PPARG: variants seen among roughly 807,000 people sequenced by gnomAD.
PPARG encodes peroxisome proliferator-activated receptor gamma.
Under a neutral mutation model 39.2 loss-of-function variants are expected in PPARG, and 17 were observed. That is an observed-to-expected ratio of 0.43 (90% CI 0.30 to 0.65). The LOEUF (loss-of-function observed/expected upper bound fraction) is 0.65, where lower values mean the gene tolerates loss of function less well. Ranked by LOEUF, PPARG falls within the 30% of genes least tolerant of loss-of-function variation. The pLI is 0.13. For missense variants in PPARG, 406 were observed against 585.9 expected (o/e 0.69, Z 3.17); for synonymous variants, 223 against 215.7 (o/e 1.03, Z -0.30).
chr3:12,420,811 TTGCC>T (rs1278642858), intron 7 of PPARG, among the ~76,000 whole-genome samples: 1 of 152,236 alleles, frequency 6.6e-6, no homozygotes, highest in Non-Finnish European at 1.5e-5. Flanking sequence ...GTACTTAGAT[TTGCC>T]TGGGCTTAGC....
At chr3:12,312,889 G>A (rs566550345) in intron 2 of PPARG, among the ~76,000 whole-genome samples, 1 of 152,178 alleles carries the variant, frequency 6.6e-6, no homozygotes, top group East Asian at 1.9e-4. Context: ...TAAGCCAAAT[G>A]TGCTCCATTC....
At chr3:12,303,356 C>G (rs1323529490) in intron 1 of PPARG, among the ~76,000 whole-genome samples, 2 of 152,228 alleles carry the variant, frequency 1.3e-5, no homozygotes, top group Admixed American at 1.3e-4. Flanking sequence ...ACCACCACAC[C>G]CGGCTAGTTT....
At chr3:12,310,932 A>T (rs2124991007) in intron 1 of PPARG, among the ~76,000 whole-genome samples, 1 of 151,944 alleles carries the variant, frequency 6.6e-6, no homozygotes, top group Admixed American at 6.5e-5. Flanking sequence ...TTTCTGGCTA[A>T]CACATTAGAG....
chr3:12,362,910 A>G (rs2125122607), intron 2 of PPARG, among the ~76,000 whole-genome samples: 1 of 152,206 alleles, frequency 6.6e-6, no homozygotes, highest in South Asian at 2.1e-4. Flanking sequence ...ATGTTGAATT[A>G]TATCAAATGC....
chr3:12,404,503 A>T (rs1410541263), intron 5 of PPARG, among the ~76,000 whole-genome samples: 1 of 152,204 alleles, frequency 6.6e-6, no homozygotes, highest in African/African-American at 2.4e-5. Context: ...GCATAATAAC[A>T]TATAAAATAA....
chr3:12,399,948 C>T (rs1483537545), intron 5 of PPARG, among the ~76,000 whole-genome samples: 19 of 149,848 alleles, frequency 1.3e-4, no homozygotes, highest in African/African-American at 3.9e-4. Flanking sequence ...CATGCCACTA[C>T]ACTCCCACCT....
intron 5 of PPARG, among the ~76,000 whole-genome samples, chr3:12,397,355 A>T (rs1215088769): frequency 6.7e-6 from 1 of 148,602 alleles, no homozygotes; most frequent in Non-Finnish European, 1.5e-5. Flanking sequence ...CAAATACTAG[A>T]TTTCAACTTT....
At chr3:12,354,085 T>G (rs1169221594) in intron 2 of PPARG, among the ~76,000 whole-genome samples, 1 of 152,176 alleles carries the variant, frequency 6.6e-6, no homozygotes, top group East Asian at 1.9e-4. Context: ...AGTGAGTGAT[T>G]GATTGCATGC....
chr3:12,395,155 T>C (rs2050214257), intron 5 of PPARG, among the ~76,000 whole-genome samples: 1 of 152,202 alleles, frequency 6.6e-6, no homozygotes, highest in Non-Finnish European at 1.5e-5. Context: ...CCATGTCCTT[T>C]CACTTTGAAA....
At chr3:12,336,102 T>C (rs1460909557) in intron 2 of PPARG, among the ~76,000 whole-genome samples, 1 of 152,122 alleles carries the variant, frequency 6.6e-6, no homozygotes, top group East Asian at 1.9e-4. Flanking sequence ...CTCAGAGACA[T>C]TAATTAGGAA....
chr3:12,324,542 C>T (rs1397475158), intron 2 of PPARG, among the ~76,000 whole-genome samples: 1 of 152,150 alleles, frequency 6.6e-6, no homozygotes, highest in African/African-American at 2.4e-5. Flanking sequence ...TTTCCCTCTT[C>T]AGGCCTCAGT....
At chr3:12,423,157 A>T (rs1362241502) in intron 7 of PPARG, among the ~76,000 whole-genome samples, 1 of 152,228 alleles carries the variant, frequency 6.6e-6, no homozygotes, top group Non-Finnish European at 1.5e-5. Flanking sequence ...ACTTTAAATA[A>T]CTAAGTAAAC....
chr3:12,296,305 G>C (rs915116267), intron 1 of PPARG, among the ~76,000 whole-genome samples: 1 of 150,950 alleles, frequency 6.6e-6, no homozygotes, highest in Non-Finnish European at 1.5e-5. Context: ...CTAAGGCAGT[G>C]GTTCTTAAAA....
chr3:12,359,963 T>A (rs748854991), intron 2 of PPARG, among the ~76,000 whole-genome samples: 3 of 152,186 alleles, frequency 2.0e-5, no homozygotes, highest in Non-Finnish European at 4.4e-5. Context: ...TGAGCCACTA[T>A]GCCCAGCCTG....
intron 2 of PPARG, among the ~76,000 whole-genome samples, chr3:12,374,154 T>G (rs796784986): frequency 3.3e-5 from 5 of 152,290 alleles, no homozygotes; most frequent in African/African-American, 1.2e-4. Context: ...TTTCCACCAG[T>G]ATGCCCTTAC....
chr3:12,433,759 C>T (rs2125323384), intron 7 of PPARG, 139 bp from the exon 8 acceptor site: 1 of 1,196,838 alleles, frequency 8.4e-7, no homozygotes, highest in Non-Finnish European at 1.2e-6. Context: ...CCCTTCCTCC[C>T]CACCTATTTA....
chr3:12,416,807 G>A lies in PPARG; in HGVS notation c.833G>A (p.Arg278His), dbSNP rs751019400. ...LQEQSKEVAIRIFQGCQFRSV... is the reference protein window; with the variant it reads ...LQEQSKEVAIHIFQGCQFRSV... Reference sequence around the variant, plus strand: ...GAGCAGAGCAAAGAGGTGGCCATCCGCATCTTTCAGGGCTGCCAGTTTCGC... The same window carrying A: ...GAGCAGAGCAAAGAGGTGGCCATCCACATCTTTCAGGGCTGCCAGTTTCGC... Residue 278 changes from arginine to histidine, a missense_variant, in exon 7 of 8, where the codon CGC becomes CAC. By Grantham distance (29) the Arg-to-His change is conservative. Transcript: ENST00000651735. The A allele has an allele frequency of 3.1e-6, 5 of 1,614,080 alleles. No individual in the cohort carries two copies. The highest frequency in any genetic ancestry group is 3.4e-6 in the Non-Finnish European group (4 of 1,179,964).
intron 7 of PPARG, among the ~76,000 whole-genome samples, chr3:12,423,147 A>G (rs139913341): frequency 1.3e-5 from 2 of 152,348 alleles, no homozygotes; most frequent in Non-Finnish European, 2.9e-5. Flanking sequence ...TGGACAGTCA[A>G]CTTTAAATAA....
intron 7 of PPARG, among the ~76,000 whole-genome samples, chr3:12,419,503 C>G (rs1575144889): frequency 1.3e-5 from 2 of 152,012 alleles, no homozygotes; most frequent in East Asian, 3.9e-4. Flanking sequence ...GAGATGGAGT[C>G]TCGTTCTGTC....
Sources: allele counts gnomAD v4.1 joint callset (sites outside exome capture counted in the v4.1 genomes callset), GRCh38; gene constraint gnomAD v4.1.1; transcripts MANE v1.5; gene names NCBI Gene and HGNC (gene_info 2026-07-23, HGNC 2026-07-21).